Variants in STK32B observed in about 807,000 individuals in gnomAD.
The protein encoded by STK32B is serine/threonine-protein kinase 32B.
A neutral mutation model predicts 52.6 loss-of-function variants in STK32B; 43 were observed. That is an observed-to-expected ratio of 0.82 (90% confidence interval 0.64 to 1.05). The LOEUF (loss-of-function observed/expected upper bound fraction) is 1.05, where lower values mean the gene tolerates loss of function less well. Ranked by LOEUF, STK32B falls within the 50% of genes least tolerant of loss-of-function variation. The pLI, the probability that STK32B is intolerant of heterozygous loss-of-function variation, is 0.00. For synonymous variants in STK32B, 238 were observed against 204.3 expected (o/e 1.17, Z -1.41); for missense variants, 621 against 534.6 (o/e 1.16, Z -1.59).
At position 5,318,687 on chromosome 4, in the gene STK32B, G is replaced by A. The variant is rs1454786539; in HGVS notation, c.261-12533G>A. ...AAGGTACACAGGTATGAGAGAGAAA[G>A]CACATTTGACTAACTCCAAGTCCCT... On this transcript the variant is annotated intron_variant, in intron 3 of 11. Coordinates refer to ENST00000282908, the MANE Select transcript of STK32B (RefSeq NM_018401.3). Among the ~76,000 whole-genome samples the A allele has an allele frequency of 2.6e-5, 4 of 152,252 alleles. No homozygotes were observed. In the East Asian group the frequency reaches 7.7e-4, roughly 29 times the overall value.
intron 4 of STK32B, among the ~76,000 whole-genome samples, chr4:5,383,735 G>A (rs913197356): frequency 2.3e-4 from 35 of 152,300 alleles, no homozygotes; most frequent in African/African-American, 5.8e-4. Context: ...ATCAGCAGGG[G>A]CAGGGCCATC....
chr4:5,028,876 T>A, the STK32B span, among the ~76,000 whole-genome samples: 2 of 152,206 alleles, frequency 1.3e-5, no homozygotes, highest in Non-Finnish European at 2.9e-5. Flanking sequence ...CGGTAAGCTA[T>A]ACAGGAAGCA....
chr4:5,083,118 T>A (rs957468399), intron 1 of STK32B, among the ~76,000 whole-genome samples: 3 of 152,224 alleles, frequency 2.0e-5, no homozygotes, highest in African/African-American at 7.2e-5. Flanking sequence ...TCAGATAATT[T>A]TCTTTAACTT....
intron 4 of STK32B, among the ~76,000 whole-genome samples, chr4:5,351,243 A>C (rs1733803553): frequency 6.6e-6 from 1 of 152,116 alleles, no homozygotes. Context: ...ATTTTTAAAA[A>C]TTGAAATTAT....
intron 3 of STK32B, among the ~76,000 whole-genome samples, chr4:5,183,280 C>T (rs1214416483): frequency 6.6e-6 from 1 of 152,070 alleles, no homozygotes; most frequent in Non-Finnish European, 1.5e-5. Context: ...GAGTTCAAGA[C>T]CAGCCTGACC....
intron 4 of STK32B, among the ~76,000 whole-genome samples, chr4:5,352,617 T>TAA (rs1553876827): frequency 2.3e-5 from 2 of 85,978 alleles, no homozygotes; most frequent in Non-Finnish European, 4.5e-5. Context: ...GAGAAAGAAA[T>TAA]AAAAAAAAAA....
chr4:5,199,005 C>T (rs1258041345), intron 3 of STK32B, among the ~76,000 whole-genome samples: 1 of 152,060 alleles, frequency 6.6e-6, no homozygotes, highest in Non-Finnish European at 1.5e-5. Context: ...TTTGTCCACA[C>T]CCTTCAGGTC....
chr4:5,125,726 G>C (rs1309198874), intron 1 of STK32B, among the ~76,000 whole-genome samples: 1 of 152,142 alleles, frequency 6.6e-6, no homozygotes, highest in Admixed American at 6.5e-5. Flanking sequence ...CTTTCTATCT[G>C]CTTCTGCTTT....
At chr4:5,497,161 T>TA (rs1452969598) in intron 11 of STK32B, among the ~76,000 whole-genome samples, 4 of 152,320 alleles carry the variant, frequency 2.6e-5, no homozygotes, top group African/African-American at 9.6e-5. Flanking sequence ...ACTCTTTAAA[T>TA]AATCCCTGCA....
upstream of STK32B, among the ~76,000 whole-genome samples, chr4:5,050,675 G>A (rs185742322): frequency 2.2e-3 from 332 of 152,304 alleles, no homozygotes; most frequent in African/African-American, 7.6e-3. Context: ...CCGCAGGACT[G>A]CAAGGCAGGG....
chr4:5,384,151 G>A (rs560735004), intron 4 of STK32B, among the ~76,000 whole-genome samples: 17 of 152,326 alleles, frequency 1.1e-4, no homozygotes, highest in African/African-American at 3.1e-4. Context: ...GAGGATGGAG[G>A]GGGTAGGCCC....
intron 4 of STK32B, among the ~76,000 whole-genome samples, chr4:5,382,538 C>T (rs536217851): frequency 2.0e-5 from 3 of 152,142 alleles, no homozygotes; most frequent in African/African-American, 7.2e-5. Flanking sequence ...AAAAGGTCCC[C>T]TGGTCCCTCT....
intron 2 of STK32B, among the ~76,000 whole-genome samples, chr4:5,151,326 G>T (rs1717348991): frequency 6.6e-6 from 1 of 152,162 alleles, no homozygotes; most frequent in African/African-American, 2.4e-5. Context: ...TAAAGTTAAG[G>T]TGGAGGGAGG....
chr4:5,243,540 A>T (rs371393275), intron 3 of STK32B, among the ~76,000 whole-genome samples: 5 of 152,072 alleles, frequency 3.3e-5, no homozygotes, highest in South Asian at 2.1e-4. Context: ...ACAATTTGAC[A>T]TCCTCTTTTC....
intron 4 of STK32B, among the ~76,000 whole-genome samples, chr4:5,393,918 A>T (rs115228503): frequency 6.6e-6 from 1 of 152,132 alleles, no homozygotes. Context: ...TTGCATGCAT[A>T]TGGATAGCAT....
rs1010897939 is a variant in STK32B at position 5,386,711 on chromosome 4, G to A, written c.435-11496G>A. Among the ~76,000 whole-genome samples the A allele has an allele frequency of 1.3e-5, 2 of 152,174 alleles. No individual in the cohort carries two copies. Among genetic ancestry groups the A allele is most frequent in the African/African-American group, 2.4e-5 (1 of 41,444 alleles). On this transcript the variant is annotated intron_variant, in intron 4 of 11. Coordinates refer to ENST00000282908, the MANE Select transcript of STK32B (RefSeq NM_018401.3). The surrounding 1 kb of genome is among the most constrained non-coding windows in gnomAD (Gnocchi z 4.5). Reference sequence around the variant, plus strand: ...CACTAATTTCCCAGACAACTCGAAGGAAGTTACTTAACTCATCTAAACGTA... The same window carrying A: ...CACTAATTTCCCAGACAACTCGAAGAAAGTTACTTAACTCATCTAAACGTA...
At chr4:5,107,761 A>C (rs1714185234) in intron 1 of STK32B, among the ~76,000 whole-genome samples, 1 of 152,236 alleles carries the variant, frequency 6.6e-6, no homozygotes. Flanking sequence ...AATTTCAAAG[A>C]AGTTGGTGTC....
intron 1 of STK32B, among the ~76,000 whole-genome samples, chr4:5,114,908 C>T (rs991402334): frequency 2.0e-5 from 3 of 152,102 alleles, no homozygotes; most frequent in Non-Finnish European, 2.9e-5. Context: ...GCACCCCAAG[C>T]CTCTTCCCAC....
intron 3 of STK32B, among the ~76,000 whole-genome samples, chr4:5,185,028 T>C (rs1720640359): frequency 6.6e-6 from 1 of 152,226 alleles, no homozygotes; most frequent in Admixed American, 6.5e-5. Context: ...CTACGTGTTC[T>C]CTCCTTCTCC....
Sources: allele counts gnomAD v4.1 joint callset (sites outside exome capture counted in the v4.1 genomes callset), GRCh38; gene constraint gnomAD v4.1.1; non-coding constraint Gnocchi (gnomAD v3.1); transcripts MANE v1.5; gene names NCBI Gene and HGNC (gene_info 2026-07-23, HGNC 2026-07-21).